Variants in MACROD2 observed in about 807,000 individuals in gnomAD.
MACROD2 encodes ADP-ribose glycohydrolase MACROD2.
A neutral mutation model predicts 70.4 loss-of-function variants in MACROD2; 36 were observed. That is an observed-to-expected ratio of 0.51 (90% CI 0.39 to 0.68). MACROD2 has a LOEUF of 0.68. MACROD2 is among the 30% of genes least tolerant of loss of function. The pLI is 0.00. For missense variants in MACROD2, 496 were observed against 538.4 expected (o/e 0.92, Z 0.78); for synonymous variants, 172 against 178.8 (o/e 0.96, Z 0.30).
chr20:15,553,914 C>T (rs2048130999), intron 8 of MACROD2, among the ~76,000 whole-genome samples: 1 of 152,152 alleles, frequency 6.6e-6, no homozygotes, highest in Non-Finnish European at 1.5e-5. Context: ...TGAAGAGTTA[C>T]AGCAGACAAG....
intron 6 of MACROD2, among the ~76,000 whole-genome samples, chr20:15,378,419 A>G (rs990471687): frequency 6.6e-6 from 1 of 152,144 alleles, no homozygotes; most frequent in African/African-American, 2.4e-5. Context: ...GTAGGGGCAC[A>G]TGCTGGAGAA....
chr20:15,487,953 C>T lies in MACROD2; in HGVS notation c.572-11821C>T, dbSNP rs1470528878. Among the ~76,000 whole-genome samples the T allele has an allele frequency of 2.0e-5, 3 of 152,168 alleles. No homozygotes were observed. In the East Asian group the frequency reaches 5.8e-4, roughly 29 times the overall value. ...GCATGCCTGCCTCTGGAGAATCATGCACCTGTCTGTGCCTGTGAGAGCATA... is the reference window on the plus strand; with the variant it reads ...GCATGCCTGCCTCTGGAGAATCATGTACCTGTCTGTGCCTGTGAGAGCATA... On this transcript the variant is annotated intron_variant, in intron 7 of 17. Coordinates refer to ENST00000684519, the MANE Select transcript of MACROD2 (RefSeq NM_001351661.2).
intron 8 of MACROD2, among the ~76,000 whole-genome samples, chr20:15,734,616 G>C (rs2050993767): frequency 6.6e-6 from 1 of 152,192 alleles, no homozygotes; most frequent in African/African-American, 2.4e-5. Flanking sequence ...CCTGAAACTA[G>C]AGTGAATAAA....
At chr20:14,414,218 ATCT>A (rs1384714008) in intron 3 of MACROD2, among the ~76,000 whole-genome samples, 1 of 152,086 alleles carries the variant, frequency 6.6e-6, no homozygotes, top group Non-Finnish European at 1.5e-5. Flanking sequence ...TCCCAAACAA[ATCT>A]TCTGGCCCCC....
intron 5 of MACROD2, among the ~76,000 whole-genome samples, chr20:15,121,249 C>T (rs1169393906): frequency 1.3e-5 from 2 of 152,122 alleles, no homozygotes; most frequent in African/African-American, 2.4e-5. Context: ...CAGTGGCTCA[C>T]GCCTGTAATC....
chr20:15,337,174 T>C (rs1336305220), intron 6 of MACROD2, among the ~76,000 whole-genome samples: 1 of 151,812 alleles, frequency 6.6e-6, no homozygotes, highest in Non-Finnish European at 1.5e-5. Flanking sequence ...TTACAAAATA[T>C]GCTGAGTATT....
chr20:15,145,338 A>G (rs1200911334), intron 5 of MACROD2, among the ~76,000 whole-genome samples: 1 of 152,144 alleles, frequency 6.6e-6, no homozygotes, highest in African/African-American at 2.4e-5. Context: ...GAAGTTCATC[A>G]GGGAGTAGAG....
chr20:15,429,041 A>G (rs1177175295), intron 6 of MACROD2, among the ~76,000 whole-genome samples: 1 of 152,180 alleles, frequency 6.6e-6, no homozygotes, highest in East Asian at 1.9e-4. Context: ...TGGCACAAAT[A>G]TGGGGATGAA....
At chr20:14,064,713 A>G (rs2053735338) in intron 2 of MACROD2, among the ~76,000 whole-genome samples, 1 of 152,090 alleles carries the variant, frequency 6.6e-6, no homozygotes. Flanking sequence ...AATCCTACTT[A>G]TTGGTTAAAT....
chr20:15,696,730 G>A (rs959758877), intron 8 of MACROD2, among the ~76,000 whole-genome samples: 2 of 118,296 alleles, frequency 1.7e-5, no homozygotes, highest in Non-Finnish European at 3.4e-5. Context: ...CAATCTTGCT[G>A]CTTGTTATTG....
chr20:15,076,386 G>A (rs954791313), intron 5 of MACROD2, among the ~76,000 whole-genome samples: 2 of 151,978 alleles, frequency 1.3e-5, no homozygotes, highest in African/African-American at 4.8e-5. Context: ...TATTTCCTTA[G>A]AAAAGATTTT....
At chr20:14,507,271 C>G in intron 4 of MACROD2, among the ~76,000 whole-genome samples, 1 of 151,854 alleles carries the variant, frequency 6.6e-6, no homozygotes, top group Non-Finnish European at 1.5e-5. Flanking sequence ...TTCTGGGGCT[C>G]CTGTTACATA....
intron 5 of MACROD2, among the ~76,000 whole-genome samples, chr20:14,718,583 G>A (rs1388982096): frequency 4.6e-5 from 7 of 152,058 alleles, no homozygotes; most frequent in Admixed American, 4.6e-4. Context: ...AGATCCTGTG[G>A]TTCATGGAGT....
At chr20:14,785,284 C>G (rs1278494962) in intron 5 of MACROD2, among the ~76,000 whole-genome samples, 2 of 151,960 alleles carry the variant, frequency 1.3e-5, no homozygotes, top group Non-Finnish European at 2.9e-5. Context: ...CTAGACTGGG[C>G]AAATCACTCT....
chr20:14,961,179 C>T (rs2074580269), intron 5 of MACROD2, among the ~76,000 whole-genome samples: 1 of 152,130 alleles, frequency 6.6e-6, no homozygotes, highest in Non-Finnish European at 1.5e-5. Context: ...ATATTAATAG[C>T]TCTGGCCATT....
At chr20:14,091,293 A>C (rs912785644) in intron 3 of MACROD2, among the ~76,000 whole-genome samples, 8 of 152,048 alleles carry the variant, frequency 5.3e-5, no homozygotes, top group Non-Finnish European at 1.5e-5. Context: ...CAGAAATTGA[A>C]CTTACAGTAG....
chr20:14,658,774 C>T (rs535544683), intron 4 of MACROD2, among the ~76,000 whole-genome samples: 2 of 152,186 alleles, frequency 1.3e-5, no homozygotes, highest in East Asian at 1.9e-4. Flanking sequence ...CTGCCATGCC[C>T]GGCAAGTTTT....
intron 5 of MACROD2, among the ~76,000 whole-genome samples, chr20:15,196,630 C>T (rs569530968): frequency 6.6e-6 from 1 of 152,340 alleles, no homozygotes; most frequent in Admixed American, 6.5e-5. Flanking sequence ...CCAAGCCAAA[C>T]ACTACTCTGC....
chr20:14,135,271 A>G (rs2054779274), intron 3 of MACROD2, among the ~76,000 whole-genome samples: 1 of 152,224 alleles, frequency 6.6e-6, no homozygotes, highest in African/African-American at 2.4e-5. Flanking sequence ...ATTTTAGTAT[A>G]TGAAATACAG....
Sources: allele counts gnomAD v4.1 joint callset (sites outside exome capture counted in the v4.1 genomes callset), GRCh38; gene constraint gnomAD v4.1.1; transcripts MANE v1.5; gene names NCBI Gene and HGNC (gene_info 2026-07-23, HGNC 2026-07-21).